The following MAP3K1 variants were observed in gnomAD, a reference collection of about 807,000 sequenced individuals.
MAP3K1 encodes mitogen-activated protein kinase kinase kinase 1.
In MAP3K1, 36 loss-of-function variants were observed where a neutral mutation model predicts 144.2. The ratio of observed to expected loss-of-function variants is 0.25; its 90% CI spans 0.19 to 0.33. The LOEUF (loss-of-function observed/expected upper bound fraction) is 0.33. Ranked by LOEUF, MAP3K1 falls within the 10% of genes least tolerant of loss-of-function variation. The pLI is 1.00. For synonymous variants in MAP3K1, 718 were observed against 688.7 expected, an observed-to-expected ratio of 1.04 and a Z score of -0.67; for missense variants, 1,650 against 1,881.9, an observed-to-expected ratio of 0.88 and a Z score of 2.28.
intron 1 of MAP3K1, among the ~76,000 whole-genome samples, chr5:56,832,556 G>C (rs1250321538): frequency 1.3e-5 from 2 of 152,188 alleles, no homozygotes; most frequent in Admixed American, 1.3e-4. Context: ...GAGGTATCCT[G>C]GCAAGGTGGT....
chr5:56,816,554 G>T (rs115694969), intron 1 of MAP3K1, among the ~76,000 whole-genome samples: 3,151 of 152,200 alleles, frequency 0.021, 108 homozygotes, highest in African/African-American at 0.073. Context: ...GGACCGAAGA[G>T]AAAGTAGCAG....
intron 1 of MAP3K1, among the ~76,000 whole-genome samples, chr5:56,831,655 A>G (rs1184120508): frequency 6.6e-6 from 1 of 152,188 alleles, no homozygotes; most frequent in Non-Finnish European, 1.5e-5. Flanking sequence ...GAGTATTCTC[A>G]TGTATTTCAA....
At chr5:56,860,473 G>A (rs1408453434) in intron 3 of MAP3K1, among the ~76,000 whole-genome samples, 1 of 152,184 alleles carries the variant, frequency 6.6e-6, no homozygotes, top group African/African-American at 2.4e-5. Context: ...CATGAAATGA[G>A]TGACCAACAA....
Position 56,881,555 on chromosome 5 carries a change from GT to G in MAP3K1, c.2370-8del, listed in dbSNP as rs747066824. 1 of 1,585,900 alleles carries G rather than the reference GT, an allele frequency of 6.3e-7. No individual in the cohort carries two copies. The highest frequency in any genetic ancestry group is 8.7e-7 in the Non-Finnish European group (1 of 1,155,536). On this transcript the variant is annotated splice_polypyrimidine_tract_variant and intron_variant, in intron 13 of 19. Transcript: ENST00000399503. ...AATTGGAACTTATATGGTAATGAATGTTTTTTTCTTTCAGGTATAAGAAGCT... is the reference window on the plus strand; with the variant it reads ...AATTGGAACTTATATGGTAATGAATGTTTTTTCTTTCAGGTATAAGAAGCT...
intron 4 of MAP3K1, 43 bp from the exon 5 acceptor site, chr5:56,865,297 C>A: frequency 9.1e-7 from 1 of 1,102,432 alleles, no homozygotes; most frequent in African/African-American, 1.5e-5. Flanking sequence ...TTCTTGTGAA[C>A]CACAGATGTA....
At chr5:56,843,044 G>A (rs1746864490) in intron 1 of MAP3K1, among the ~76,000 whole-genome samples, 1 of 152,150 alleles carries the variant, frequency 6.6e-6, no homozygotes, top group South Asian at 2.1e-4. Context: ...TGACTAAGAA[G>A]TCCTTCCTGG....
chr5:56,824,750 C>G (rs1746258047), intron 1 of MAP3K1, among the ~76,000 whole-genome samples: 2 of 152,250 alleles, frequency 1.3e-5, no homozygotes, highest in Non-Finnish European at 2.9e-5. Flanking sequence ...CTTGATGATA[C>G]TGAATAAATA....
intron 1 of MAP3K1, among the ~76,000 whole-genome samples, chr5:56,844,728 G>A (rs894274873): frequency 1.3e-5 from 2 of 152,138 alleles, no homozygotes; most frequent in Non-Finnish European, 2.9e-5. Flanking sequence ...CAGAATGATT[G>A]GAGGAACACA....
Position 56,875,162 on chromosome 5 carries a change from C to A in MAP3K1, c.1817C>A (p.Ser606Tyr), listed in dbSNP as rs56095529. The A allele has an allele frequency of 6.2e-7, 1 of 1,614,152 alleles. No homozygotes were observed. Among genetic ancestry groups the A allele is most frequent in the Non-Finnish European group, 8.5e-7 (1 of 1,180,022 alleles). Reference protein sequence around the residue: ...LLANGESTGNSGGSSGSSPSG... With the variant: ...LLANGESTGNYGGSSGSSPSG... ...GCAAATGGGGAGAGCACTGGAAATTCTGGGGGCAGCAGTGGAAGCAGCCCG... is the reference window on the plus strand; with the variant it reads ...GCAAATGGGGAGAGCACTGGAAATTATGGGGGCAGCAGTGGAAGCAGCCCG... The change falls in exon 10 of 20, where the codon TCT becomes TAT. Residue 606 changes from serine to tyrosine, a missense_variant. Physicochemically the swap from Ser to Tyr is moderately radical, Grantham distance 144 (BLOSUM62 -2). Transcript: ENST00000399503.
At chr5:56,888,810 A>G (rs1349440053) in intron 19 of MAP3K1, among the ~76,000 whole-genome samples, 1 of 152,164 alleles carries the variant, frequency 6.6e-6, no homozygotes, top group African/African-American at 2.4e-5. Context: ...CTGCATTTTC[A>G]ACTTAAAAAA....
At chr5:56,853,453 A>C (rs1032020074) in intron 1 of MAP3K1, among the ~76,000 whole-genome samples, 1 of 152,220 alleles carries the variant, frequency 6.6e-6, no homozygotes, top group Non-Finnish European at 1.5e-5. Context: ...GGACTGCCAG[A>C]GTTAATAAGT....
At chr5:56,866,922 C>T (rs1274626304) in intron 6 of MAP3K1, among the ~76,000 whole-genome samples, 6 of 152,222 alleles carry the variant, frequency 3.9e-5, no homozygotes, top group East Asian at 1.9e-4. Flanking sequence ...AGTGACACAG[C>T]GATAAGTGAA....
intron 6 of MAP3K1, among the ~76,000 whole-genome samples, chr5:56,870,289 C>A (rs551612835): frequency 6.6e-6 from 1 of 152,224 alleles, no homozygotes; most frequent in South Asian, 2.1e-4. Context: ...AATGATAGAT[C>A]TGCCACAAAC....
intron 19 of MAP3K1, among the ~76,000 whole-genome samples, chr5:56,892,322 CTGTT>C (rs1467509432): frequency 6.6e-6 from 1 of 152,090 alleles, no homozygotes; most frequent in Admixed American, 6.6e-5. Flanking sequence ...CATGATTTGG[CTGTT>C]TGTCTGTTAT....
intron 15 of MAP3K1, among the ~76,000 whole-genome samples, chr5:56,884,413 C>T (rs754000484): frequency 3.3e-5 from 5 of 152,120 alleles, no homozygotes; most frequent in Non-Finnish European, 5.9e-5. Context: ...GGGCTTTTCT[C>T]ATCTTTACTC....
At chr5:56,890,922 T>G (rs1368288411) in intron 19 of MAP3K1, among the ~76,000 whole-genome samples, 1 of 151,138 alleles carries the variant, frequency 6.6e-6, no homozygotes, top group Non-Finnish European at 1.5e-5. Flanking sequence ...GAGACGCACC[T>G]GTGCTCCAGG....
chr5:56,888,337 C>T lies in MAP3K1; in HGVS notation c.4369C>T (p.His1457Tyr). The change falls in exon 19 of 20, where the codon CAT becomes TAT. Residue 1457 changes from histidine (H) to tyrosine (Y), a missense_variant. His to Tyr is a moderately conservative substitution (Grantham distance 83, BLOSUM62 2). Transcript: ENST00000399503. The stretch of plus-strand genomic sequence containing the variant: ...ATGGAATGCAGAAAAACACTCCAAT[C>T]ATCTTGCTTTGATATTTAAGGTAAT... ...PPWNAEKHSN[H>Y]LALIFKIASA... The T allele has an allele frequency of 6.2e-7, 1 of 1,614,012 alleles. No individual in the cohort carries two copies. Among genetic ancestry groups the T allele is most frequent in the Non-Finnish European group, 8.5e-7 (1 of 1,179,962 alleles).
At chr5:56,840,774 G>A (rs1373349358) in intron 1 of MAP3K1, among the ~76,000 whole-genome samples, 1 of 151,888 alleles carries the variant, frequency 6.6e-6, no homozygotes, top group African/African-American at 2.4e-5. Context: ...CTGAAACTTG[G>A]TCTGAGAGCC....
At chr5:56,862,701 CTG>C (rs1217887401) in intron 3 of MAP3K1, among the ~76,000 whole-genome samples, 1 of 152,200 alleles carries the variant, frequency 6.6e-6, no homozygotes, top group Non-Finnish European at 1.5e-5. Flanking sequence ...GAGCATGTAT[CTG>C]TGAACATATC....
Sources: gnomAD v4.1 joint callset for allele counts (sites outside exome capture counted in the v4.1 genomes callset) on GRCh38, gnomAD v4.1.1 for gene constraint, MANE v1.5 for transcripts, NCBI Gene and HGNC (gene_info 2026-07-23, HGNC 2026-07-21) for gene names.